Variants in IQCE observed in about 807,000 individuals in gnomAD.
The protein encoded by IQCE is IQ domain-containing protein E.
In IQCE, 115 loss-of-function variants were observed where a neutral mutation model predicts 96.0. The observed-to-expected ratio is 1.20, with a 90% CI of 1.03 to 1.40. The LOEUF (loss-of-function observed/expected upper bound fraction) is 1.40. Among genes scored for constraint, IQCE ranks in the 40% most tolerant of loss-of-function variants. The probability of loss-of-function intolerance (pLI) is 0.00; values close to 1 mark genes in which losing one functional copy is unlikely to be tolerated. For missense variants in IQCE, 1,041 were observed against 909.1 expected, an observed-to-expected ratio of 1.15 and a Z score of -1.87; for synonymous variants, 412 against 371.2, an observed-to-expected ratio of 1.11 and a Z score of -1.26.
At position 2,613,394 on chromosome 7, in the gene IQCE, G is replaced by A. The variant is rs3203952; in HGVS notation, c.*3232G>A. The A allele has an allele frequency of 0.31, 47,692 of 152,196 alleles. 7,929 individuals are homozygous for A. The highest frequency in any genetic ancestry group is 0.46 in the East Asian group (2,396 of 5,166). The allele number at this position is 152,196 out of a possible 1,614,324, so 9.4% of individuals were successfully genotyped here. A position where few individuals can be genotyped will look rare whatever the true frequency, so the allele number is the denominator to read the frequency against. On this transcript the variant is annotated 3_prime_UTR_variant, in exon 22 of 22. Transcript: ENST00000402050. ...GGAGGGCTCCAGGGACATCCTTGGA[G>A]ATACAGGAGGCTTTCCTGGCACAGG...
chr7:2,582,210 C>T (rs1782727775), intron 8 of IQCE: 1 of 388,144 alleles, frequency 2.6e-6, no homozygotes, highest in Non-Finnish European at 5.1e-6. Flanking sequence ...CTAGGGGCTT[C>T]AGGTCTGTGG....
intron 11 of IQCE, among the ~76,000 whole-genome samples, chr7:2,585,047 C>CTT (rs1562648785): frequency 3.8e-5 from 4 of 106,166 alleles, no homozygotes; most frequent in East Asian, 2.5e-4. Flanking sequence ...CTGCTCATAA[C>CTT]ATTTTTTTTT....
In IQCE at chr7:2,584,265, T is replaced by C; in HGVS notation, c.804T>C (p.Ser268=). 1 of 1,614,104 alleles carries C rather than the reference T, an allele frequency of 6.2e-7. No individual in the cohort carries two copies. Among genetic ancestry groups the C allele is most frequent in the Non-Finnish European group, 8.5e-7 (1 of 1,179,922 alleles). ...ATCGTCTCCAGACCCTCTTGGCAAG[T>C]TCTGAAACCACCGGAAAGAAGTATG... ...EVHRLQTLLA[S]SETTGKKPLG... The change falls in exon 11 of 22, where the codon AGT becomes AGC. Residue 268 remains serine, a synonymous_variant. Transcript: ENST00000402050.
intron 1 of IQCE, 108 bp downstream of exon 1, chr7:2,559,325 G>A: frequency 1.8e-6 from 1 of 541,806 alleles, no homozygotes. Flanking sequence ...CGGGGCGTGA[G>A]GACGGGGCGC....
rs1389215244 is a variant in IQCE, at chr7:2,611,099, C to G, written c.*937C>G. 1.1e-5 allele frequency: 1 copy of G among 94,906 alleles called. No homozygotes were observed. The highest frequency in any genetic ancestry group is 2.2e-5 in the Non-Finnish European group (1 of 46,086). The allele number at this position is 94,906 out of a possible 1,614,324, so 5.9% of individuals were successfully genotyped here. A position where few individuals can be genotyped will look rare whatever the true frequency, so the allele number is the denominator to read the frequency against. ...ACCCCATGTGTGCGGCCTCTGCACT[C>G]CCAAGCTCCATGGCTGGGCTGGGCT... On this transcript the variant is annotated 3_prime_UTR_variant, in exon 22 of 22. Coordinates refer to ENST00000402050, the MANE Select transcript of IQCE (RefSeq NM_152558.5).
In IQCE at chr7:2,594,790, T is replaced by C. The variant is rs1783892781; in HGVS notation, c.1350-96T>C. Reference sequence around the variant, plus strand: ...CTCTACAGGCTGCCTGGTGTCCCCCTGTCTCCGCCTGGACCGCCCGCCCCA... The same window carrying C: ...CTCTACAGGCTGCCTGGTGTCCCCCCGTCTCCGCCTGGACCGCCCGCCCCA... On this transcript the variant is annotated intron_variant, in intron 15 of 21. Coordinates refer to ENST00000402050, the MANE Select transcript of IQCE (RefSeq NM_152558.5). The C allele has an allele frequency of 3.6e-6, 3 of 842,508 alleles. No individual in the cohort carries two copies. In the Admixed American group the frequency reaches 5.2e-5, roughly 15 times the overall value. 52.2% of individuals were successfully genotyped at this position (842,508 alleles called of 1,614,324 possible).
At chr7:2,586,888 G>T (rs139133298) in intron 12 of IQCE, among the ~76,000 whole-genome samples, 171 of 152,246 alleles carry the variant, frequency 1.1e-3, no homozygotes, top group African/African-American at 3.8e-3. Context: ...GGGTGCCATG[G>T]GAGCCTTAGG....
chr7:2,606,357 T>G (rs538885729), intron 20 of IQCE, among the ~76,000 whole-genome samples: 1 of 152,072 alleles, frequency 6.6e-6, no homozygotes, highest in African/African-American at 2.4e-5. Flanking sequence ...GAAAGAAAAC[T>G]GTGTTGTGAC....
intron 11 of IQCE, chr7:2,584,554 T>C: frequency 2.2e-6 from 1 of 453,158 alleles, no homozygotes. Flanking sequence ...GCCTTCCAGC[T>C]TAGAGCTAGA....
At chr7:2,562,775 CCTTT>C (rs1781061315) in intron 1 of IQCE, among the ~76,000 whole-genome samples, 2 of 149,754 alleles carry the variant, frequency 1.3e-5, no homozygotes, top group South Asian at 4.2e-4. Flanking sequence ...TCTTTTACTT[CCTTT>C]GAGTTTAGTT....
At position 2,569,000 on chromosome 7, in the gene IQCE, G is replaced by A. The variant is rs200840589; in HGVS notation, c.130+1G>A. The stretch of plus-strand genomic sequence containing the variant: ...CACAAACCTCCACCCACATCGCCAA[G>A]TAAGTATGACGAGGCCTGCCTTCCC... On this transcript the variant is annotated splice_donor_variant, in intron 3 of 21. Transcript: ENST00000402050. LOFTEE classifies it high-confidence loss of function. The A allele has an allele frequency of 8.7e-5, 141 of 1,613,788 alleles. No individual in the cohort carries two copies. The highest frequency in any genetic ancestry group is 1.0e-4 in the Non-Finnish European group (120 of 1,179,904).
At chr7:2,565,842 T>C (rs1781332704) in intron 1 of IQCE, among the ~76,000 whole-genome samples, 1 of 152,146 alleles carries the variant, frequency 6.6e-6, no homozygotes, top group Non-Finnish European at 1.5e-5. Flanking sequence ...TTTTAAACGC[T>C]CCATTTATTT....
intron 14 of IQCE, among the ~76,000 whole-genome samples, chr7:2,592,268 G>A (rs974896858): frequency 5.9e-5 from 9 of 152,236 alleles, no homozygotes; most frequent in Middle Eastern, 3.2e-3. Flanking sequence ...GTAAAAATTA[G>A]TATTTCACGA....
intron 17 of IQCE, 106 bp downstream of exon 17, chr7:2,598,738 C>G (rs1456807068): frequency 2.0e-6 from 2 of 1,022,374 alleles, no homozygotes; most frequent in Non-Finnish European, 2.7e-6. Context: ...CAGCCAGGCC[C>G]CAGGTGTCTG....
In IQCE at chr7:2,612,362, C is replaced by G. The variant is rs73045003; in HGVS notation, c.*2200C>G. Reference sequence around the variant, plus strand: ...GGTCACCAGTCCCCTTTGCTGGGTACAGCCTGCCTGGCTGTTCTGTGGTCC... The same window carrying G: ...GGTCACCAGTCCCCTTTGCTGGGTAGAGCCTGCCTGGCTGTTCTGTGGTCC... On this transcript the variant is annotated 3_prime_UTR_variant, in exon 22 of 22. Coordinates refer to ENST00000402050, the MANE Select transcript of IQCE (RefSeq NM_152558.5). 1 of 152,336 alleles carries G rather than the reference C, an allele frequency of 6.6e-6. No homozygotes were observed. The highest frequency in any genetic ancestry group is 1.5e-5 in the Non-Finnish European group (1 of 68,146). The allele number at this position is 152,336 out of a possible 1,614,324, so 9.4% of individuals were successfully genotyped here. A position where few individuals can be genotyped will look rare whatever the true frequency, so the allele number is the denominator to read the frequency against.
At chr7:2,576,358 G>T (rs898595270) in intron 6 of IQCE, among the ~76,000 whole-genome samples, 10 of 152,186 alleles carry the variant, frequency 6.6e-5, no homozygotes, top group African/African-American at 2.2e-4. Flanking sequence ...CAAAGTACAG[G>T]ATAGTTGTAG....
Position 2,610,108 on chromosome 7 carries a change from T to G in IQCE, c.2034T>G (p.Asp678Glu). Residue 678 changes from aspartate (D) to glutamate (E), a missense_variant, in exon 22 of 22, where the codon GAT (aspartate) becomes GAG (glutamate). Transcript: ENST00000402050. Reference protein sequence around the residue: ...PLPGDDVNSDDSDDIVIAPSL... With the variant: ...PLPGDDVNSDESDDIVIAPSL... ...CTGGGGATGACGTCAACTCCGATGA[T>G]TCCGACGATATTGTCATTGCACCGT... 1.2e-6 allele frequency: 2 copies of G among 1,613,526 alleles called. No homozygotes were observed.
In IQCE at chr7:2,610,710, C is replaced by G. The variant is rs1785067699; in HGVS notation, c.*548C>G. The G allele has an allele frequency of 1.3e-5, 2 of 155,340 alleles. No individual in the cohort carries two copies. Among genetic ancestry groups the G allele is most frequent in the African/African-American group, 4.8e-5 (2 of 41,578 alleles). The allele number at this position is 155,340 out of a possible 1,614,324, so 9.6% of individuals were successfully genotyped here. ...CCAAGCCAGTGAGGAGCTAAAGACA[C>G]CCAGGTCCCCAAATGATCTTACTCC... On this transcript the variant is annotated 3_prime_UTR_variant, in exon 22 of 22. Transcript: ENST00000402050.
At chr7:2,586,573 G>C (rs1344699501) in intron 12 of IQCE, among the ~76,000 whole-genome samples, 1 of 152,358 alleles carries the variant, frequency 6.6e-6, no homozygotes, top group East Asian at 1.9e-4. Context: ...GAAGCTCACA[G>C]ACATCCCTGG....
Sources: gnomAD v4.1 joint callset for allele counts (sites outside exome capture counted in the v4.1 genomes callset) on GRCh38, gnomAD v4.1.1 for gene constraint, MANE v1.5 for transcripts, NCBI Gene and HGNC (gene_info 2026-07-23, HGNC 2026-07-21) for gene names.